The following ALLC variants were observed in gnomAD, a reference collection of about 807,000 sequenced individuals.
ALLC encodes allantoicase, also known as probable inactive allantoicase.
Under a neutral mutation model 45.0 loss-of-function variants are expected in ALLC, and 40 were observed. The observed-to-expected ratio is 0.89, with a 90% CI of 0.69 to 1.16. The LOEUF (loss-of-function observed/expected upper bound fraction) is 1.16. Among genes scored for constraint, ALLC ranks in the 50% most tolerant of loss-of-function variants. The pLI, the probability that ALLC is intolerant of heterozygous loss-of-function variation, is 0.00. For synonymous variants in ALLC, 176 were observed against 178.1 expected (o/e 0.99, Z 0.09); for missense variants, 488 against 493.1 (o/e 0.99, Z 0.10).
At chr2:3,651,417 GTGTGTGTGTGTGTGTGTGTGTGTGT>G in the ALLC span, among the ~76,000 whole-genome samples, 13 of 55,220 alleles carry the variant, frequency 2.4e-4, no homozygotes, top group Non-Finnish European at 2.9e-4. Context: ...GTGTGTGTGT[GTGTGTGTGTGTGTGTGTGTGTGTGT>G]TAGGAAGGGA....
At chr2:3,681,512 A>G in intron 5 of ALLC, 122 bp from the exon 6 acceptor site, 2 of 616,980 alleles carry the variant, frequency 3.2e-6, no homozygotes, top group Non-Finnish European at 5.5e-6. Context: ...TGATCATTTG[A>G]TACTTCGAAA....
chr2:3,701,293 G>A (rs1311712036), intron 10 of ALLC, among the ~76,000 whole-genome samples: 2 of 152,138 alleles, frequency 1.3e-5, no homozygotes, highest in African/African-American at 4.8e-5. Flanking sequence ...GACTGCTTCT[G>A]AGTCCTCTGA....
chr2:3,678,777 G>A (rs979053754), intron 4 of ALLC, among the ~76,000 whole-genome samples: 1 of 152,336 alleles, frequency 6.6e-6, no homozygotes, highest in East Asian at 1.9e-4. Context: ...TGAGAAGCAC[G>A]TTGTCGGGAA....
At chr2:3,664,860 G>A (rs1230640423) in intron 1 of ALLC, among the ~76,000 whole-genome samples, 1 of 151,044 alleles carries the variant, frequency 6.6e-6, no homozygotes, top group Non-Finnish European at 1.5e-5. Context: ...TTCCAACCTG[G>A]GCAACAAAGA....
intron 1 of ALLC, among the ~76,000 whole-genome samples, chr2:3,661,785 T>C (rs34543361): frequency 0.16 from 24,054 of 152,178 alleles, 2,053 homozygotes; most frequent in Middle Eastern, 0.19. Context: ...TTATTACAGG[T>C]CCTTAGTGTC....
upstream of ALLC, among the ~76,000 whole-genome samples, chr2:3,654,345 G>A (rs192146748): frequency 3.3e-5 from 5 of 152,372 alleles, no homozygotes; most frequent in African/African-American, 7.2e-5. Flanking sequence ...GAAAAGCAAC[G>A]GCTGCAGTGG....
Position 3,680,032 on chromosome 2 carries a change from G to A in ALLC, c.298+38G>A. The A allele has an allele frequency of 6.2e-7, 1 of 1,610,708 alleles. No homozygotes were observed. Among genetic ancestry groups the A allele is most frequent in the East Asian group, 2.2e-5 (1 of 44,772 alleles). ...CCACTGTCCCCAAAATGAGAATTAT[G>A]GGTCACATGGCTCCTCTGGCCAGCC... On this transcript the variant is annotated intron_variant, in intron 5 of 11. Transcript: ENST00000252505. The surrounding 1 kb of genome is among the most constrained non-coding windows in gnomAD (Gnocchi z 4.0).
intron 3 of ALLC, among the ~76,000 whole-genome samples, chr2:3,676,986 C>A (rs1376911209): frequency 3.9e-5 from 6 of 152,166 alleles, no homozygotes; most frequent in Non-Finnish European, 7.4e-5. Flanking sequence ...GGGGGTTTCA[C>A]CATGTTGGCC....
upstream of ALLC, among the ~76,000 whole-genome samples, chr2:3,655,561 T>C (rs1420612282): frequency 6.6e-6 from 1 of 152,206 alleles, no homozygotes; most frequent in Non-Finnish European, 1.5e-5. Flanking sequence ...GCTCAAGCGA[T>C]CCTCCCACCT....
intron 10 of ALLC, among the ~76,000 whole-genome samples, chr2:3,699,576 A>G (rs781252883): frequency 6.6e-6 from 1 of 152,362 alleles, no homozygotes; most frequent in Non-Finnish European, 1.5e-5. Flanking sequence ...AGGAATCGCC[A>G]CAACACTTTC....
intron 3 of ALLC, among the ~76,000 whole-genome samples, chr2:3,675,677 A>C (rs1251651596): frequency 1.3e-5 from 2 of 152,166 alleles, no homozygotes; most frequent in Non-Finnish European, 2.9e-5. Context: ...CGAGACACAT[A>C]TATTTCTCCT....
At chr2:3,676,245 A>G (rs1003272460) in intron 3 of ALLC, among the ~76,000 whole-genome samples, 15 of 152,200 alleles carry the variant, frequency 9.9e-5, no homozygotes, top group Admixed American at 6.5e-5. Context: ...AAATTTATAT[A>G]CATATTTTCA....
intron 7 of ALLC, 31 bp downstream of exon 7, chr2:3,683,105 C>T (rs769098148): frequency 4.4e-6 from 7 of 1,588,244 alleles, no homozygotes; most frequent in Non-Finnish European, 6.0e-6. Flanking sequence ...TCACCAGTTC[C>T]ATGGCTTCTT....
chr2:3,700,344 G>A (rs952498479), intron 10 of ALLC, among the ~76,000 whole-genome samples: 5 of 152,142 alleles, frequency 3.3e-5, no homozygotes, highest in African/African-American at 1.2e-4. Flanking sequence ...GGCTGACTGA[G>A]GGTCAGGTGA....
chr2:3,685,955 A>G (rs531959373), intron 7 of ALLC, among the ~76,000 whole-genome samples: 6 of 150,572 alleles, frequency 4.0e-5, no homozygotes, highest in African/African-American at 1.5e-4. Context: ...CCACTTTGTT[A>G]TTTCCTTTGA....
chr2:3,657,048 T>G (rs1666459637), upstream of ALLC, among the ~76,000 whole-genome samples: 1 of 152,248 alleles, frequency 6.6e-6, no homozygotes, highest in South Asian at 2.1e-4. Context: ...CCACGTGCAT[T>G]AATTCATTAA....
chr2:3,671,733 G>A (rs1270834857), intron 2 of ALLC, among the ~76,000 whole-genome samples: 2 of 126,012 alleles, frequency 1.6e-5, no homozygotes, highest in African/African-American at 3.0e-5. Flanking sequence ...CTGGTTAGAT[G>A]GGAGGTCCTC....
upstream of ALLC, among the ~76,000 whole-genome samples, chr2:3,656,255 A>G (rs1377689824): frequency 6.6e-6 from 1 of 152,192 alleles, no homozygotes; most frequent in Non-Finnish European, 1.5e-5. Flanking sequence ...GAGAATCCTC[A>G]TGTCTTGGCA....
At chr2:3,695,915 G>A in intron 8 of ALLC, 43 bp downstream of exon 8, 1 of 1,559,140 alleles carries the variant, frequency 6.4e-7, no homozygotes, top group South Asian at 1.2e-5. Flanking sequence ...GGAAGTCTGG[G>A]TACCGGCATT....
Sources: allele counts gnomAD v4.1 joint callset (sites outside exome capture counted in the v4.1 genomes callset), GRCh38; gene constraint gnomAD v4.1.1; non-coding constraint Gnocchi (gnomAD v3.1); transcripts MANE v1.5; gene names NCBI Gene and HGNC (gene_info 2026-07-23, HGNC 2026-07-21).